Variants in TSPYL1 observed in about 807,000 individuals in gnomAD.
TSPYL1 encodes the protein TSPY like 1.
Under a neutral mutation model 20.1 loss-of-function variants are expected in TSPYL1, and 16 were observed. That is an observed-to-expected ratio of 0.80 (90% CI 0.54 to 1.21). The LOEUF (loss-of-function observed/expected upper bound fraction) is 1.21, where lower values mean the gene tolerates loss of function less well. Among genes scored for constraint, TSPYL1 ranks in the 50% most tolerant of loss-of-function variants. TSPYL1 has a pLI of 0.00. For missense variants in TSPYL1, 560 were observed against 569.3 expected (o/e 0.98, Z 0.17); for synonymous variants, 259 against 227.1 (o/e 1.14, Z -1.26).
chr6:116,278,756 T>G lies in TSPYL1; in HGVS notation c.1075A>C (p.Arg359=). 1 of 1,614,174 alleles carries G rather than the reference T, an allele frequency of 6.2e-7. No individual in the cohort carries two copies. Among genetic ancestry groups the G allele is most frequent in the Non-Finnish European group, 8.5e-7 (1 of 1,180,040 alleles). The change falls in exon 1 of 1, where the codon AGG becomes CGG. Residue 359 remains arginine, a synonymous_variant. Transcript: ENST00000368608. ...VSLSTPIIWR[R]GHEPQSFIRR... ...ATGAAGGACTGGGGTTCATGCCCCC[T>G]GCGCCATATAATTGGAGTAGAAAGA... is the stretch of plus-strand genomic sequence containing the variant.
At position 116,278,581 on chromosome 6, in the gene TSPYL1, G is replaced by GCTCTACGGA. The variant is rs1773278663; in HGVS notation, c.1241_1249dup (p.Val414_Arg416dup). On this transcript the variant is annotated inframe_insertion, in exon 1 of 1. Coordinates refer to ENST00000368608, the MANE Select transcript of TSPYL1 (RefSeq NM_003309.4). ...AGGCTCCCTTAGCGGGCGACGTCGGGCTCTACGGACTCCTTCACGCAACAG... is the reference window on the plus strand; with the variant it reads ...AGGCTCCCTTAGCGGGCGACGTCGGGCTCTACGGACTCTACGGACTCCTTCACGCAACAG... 1 of 1,614,050 alleles carries GCTCTACGGA rather than the reference G, an allele frequency of 6.2e-7. No individual in the cohort carries two copies. Among genetic ancestry groups the GCTCTACGGA allele is most frequent in the Non-Finnish European group, 8.5e-7 (1 of 1,180,048 alleles).
chr6:116,279,136 A>G lies in TSPYL1; in HGVS notation c.695T>C (p.Leu232Pro). Residue 232 changes from leucine (L) to proline (P), a missense_variant, in exon 1 of 1, where the codon CTG (leucine) becomes CCG (proline). Transcript: ENST00000368608. ...PLHEALRMDP[L>P]EAIQLELDTV... Reference sequence around the variant, plus strand: ...GTCCAGTTCCAGCTGGATGGCCTCCAGAGGGTCCATGCGGAGAGCCTCATG... The same window carrying G: ...GTCCAGTTCCAGCTGGATGGCCTCCGGAGGGTCCATGCGGAGAGCCTCATG... 3.7e-6 allele frequency: 6 copies of G among 1,614,092 alleles called. No individual in the cohort carries two copies. Among genetic ancestry groups the G allele is most frequent in the Non-Finnish European group, 5.1e-6 (6 of 1,180,028 alleles).
chr6:116,279,097 T>G lies in TSPYL1; in HGVS notation c.734A>C (p.Gln245Pro), dbSNP rs759753191. The G allele has an allele frequency of 1.9e-6, 3 of 1,613,876 alleles. No individual in the cohort carries two copies. Among genetic ancestry groups the G allele is most frequent in the Non-Finnish European group, 2.5e-6 (3 of 1,179,758 alleles). Residue 245 changes from glutamine (Q) to proline (P), a missense_variant, in exon 1 of 1, where the codon CAG becomes CCG. By Grantham distance (76) the Gln-to-Pro change is moderately conservative. Coordinates refer to ENST00000368608, the MANE Select transcript of TSPYL1 (RefSeq NM_003309.4). ...CAGCTGTTGGAAGGCCCTGTCGGCC[T>G]GAGCATTCACAGTGTCCAGTTCCAG... ...IQLELDTVNAQADRAFQQLEH... is the reference protein window; with the variant it reads ...IQLELDTVNAPADRAFQQLEH...
rs931635813 is a variant in TSPYL1 at position 116,279,725 on chromosome 6, G to C, written c.106C>G (p.Leu36Val). ...SDQDAHQYLR[L>V]RDQSEATQVM... ...TGTGTCGCCTCGCTTTGGTCGCGGA[G>C]CCTCAGGTACTGGTGTGCGTCCTGG... Residue 36 changes from leucine (L) to valine (V), a missense_variant, in exon 1 of 1, where the codon CTC (leucine) becomes GTC (valine). Coordinates refer to ENST00000368608, the MANE Select transcript of TSPYL1 (RefSeq NM_003309.4). The C allele has an allele frequency of 3.7e-6, 6 of 1,611,486 alleles. No individual in the cohort carries two copies. The African/African-American group carries it at 5.3e-5, about 14-fold the overall frequency.
chr6:116,279,506 C>T lies in TSPYL1; in HGVS notation c.325G>A (p.Ala109Thr). Residue 109 changes from alanine (A) to threonine (T), a missense_variant, in exon 1 of 1, where the codon GCA becomes ACA. Ala to Thr is a moderately conservative substitution (Grantham distance 58). Coordinates refer to ENST00000368608, the MANE Select transcript of TSPYL1 (RefSeq NM_003309.4). Reference protein sequence around the residue: ...EEGQPPAEGLAAASVVMAADR... With the variant: ...EEGQPPAEGLTAASVVMAADR... ...GCTGCCATCACCACAGAAGCGGCTG[C>T]CAGGCCTTCGGCGGGAGGCTGGCCC... 2 of 1,610,220 alleles carry T rather than the reference C, an allele frequency of 1.2e-6. No individual in the cohort carries two copies. The highest frequency in any genetic ancestry group is 1.7e-6 in the Non-Finnish European group (2 of 1,180,010).
Position 116,279,407 on chromosome 6 carries a change from A to G in TSPYL1, c.424T>C (p.Ser142Pro). Residue 142 changes from serine (S) to proline (P), a missense_variant, in exon 1 of 1, where the codon TCT (serine) becomes CCT (proline). By Grantham distance (74) the Ser-to-Pro change is moderately conservative. Coordinates refer to ENST00000368608, the MANE Select transcript of TSPYL1 (RefSeq NM_003309.4). Reference protein sequence around the residue: ...LEICGAQRSASELTAGAEAEA... With the variant: ...LEICGAQRSAPELTAGAEAEA... ...GCCTCCGCCCCCGCCGTCAGCTCAG[A>G]CGCGGATCTCTGGGCGCCACAGATT... 4 of 1,613,174 alleles carry G rather than the reference A, an allele frequency of 2.5e-6. No homozygotes were observed. The highest frequency in any genetic ancestry group is 3.4e-6 in the Non-Finnish European group (4 of 1,179,996).
rs1295641666 is a variant in TSPYL1 at position 116,276,507 on chromosome 6, T to G, written c.*2010A>C. On this transcript the variant is annotated 3_prime_UTR_variant, in exon 1 of 1. Transcript: ENST00000368608. Reference sequence around the variant, plus strand: ...CCCTGCTTTCTTCTCTTTGGGATAATGTCTATTGTGTCCATTTAAGGACTT... The same window carrying G: ...CCCTGCTTTCTTCTCTTTGGGATAAGGTCTATTGTGTCCATTTAAGGACTT... The G allele has an allele frequency of 1.3e-5, 2 of 152,342 alleles. No individual in the cohort carries two copies. The highest frequency in any genetic ancestry group is 4.8e-5 in the African/African-American group (2 of 41,574). 9.4% of individuals were successfully genotyped at this position (152,342 alleles called of 1,614,324 possible). A position where few individuals can be genotyped will look rare whatever the true frequency, so the allele number is the denominator to read the frequency against.
Position 116,275,026 on chromosome 6 carries a change from AAT to A in TSPYL1, c.*3489_*3490del, listed in dbSNP as rs1443030853. 1.3e-5 allele frequency among the ~76,000 whole-genome samples: 2 copies of A among 152,244 alleles called. No homozygotes were observed. The highest frequency in any genetic ancestry group is 2.4e-5 in the African/African-American group (1 of 41,470). ...CAATATATTTTAACACAATGTCAAAAATATTTCAACATGCAATCAATATGAAA... is the reference window on the plus strand; with the variant it reads ...CAATATATTTTAACACAATGTCAAAAATTTCAACATGCAATCAATATGAAA... On this transcript the variant is annotated 3_prime_UTR_variant, in exon 1 of 1. Coordinates refer to ENST00000368608, the MANE Select transcript of TSPYL1 (RefSeq NM_003309.4).
chr6:116,279,866 C>A lies in TSPYL1; in HGVS notation c.-36G>T, dbSNP rs751167981. The A allele has an allele frequency of 1.2e-6, 2 of 1,612,918 alleles. No homozygotes were observed. The highest frequency in any genetic ancestry group is 1.3e-5 in the African/African-American group (1 of 74,928). On this transcript the variant is annotated 5_prime_UTR_variant, in exon 1 of 1. Transcript: ENST00000368608. ...GTCGGACCAACCGCAGGCGAACGCC[C>A]GTTTTCCTCAGAGGCCGAACTGGGA... is the stretch of plus-strand genomic sequence containing the variant.
rs752155250 is a variant in TSPYL1 at position 116,279,877 on chromosome 6, G to A, written c.-47C>T. 3.7e-6 allele frequency: 6 copies of A among 1,612,750 alleles called. No homozygotes were observed. In the East Asian group the frequency reaches 8.9e-5, roughly 24 times the overall value. On this transcript the variant is annotated 5_prime_UTR_variant, in exon 1 of 1. Transcript: ENST00000368608. ...CGCAGGCGAACGCCCGTTTTCCTCA[G>A]AGGCCGAACTGGGAGCTAACCGCCG... is the stretch of plus-strand genomic sequence containing the variant.
rs1414237406 is a variant in TSPYL1, at chr6:116,279,358, C to A, written c.473G>T (p.Gly158Val). 2.5e-6 allele frequency: 4 copies of A among 1,611,784 alleles called. No homozygotes were observed. Among genetic ancestry groups the A allele is most frequent in the East Asian group, 2.2e-5 (1 of 44,882 alleles). Residue 158 changes from glycine to valine, a missense_variant, in exon 1 of 1, where the codon GGA becomes GTA. Physicochemically the swap from Gly to Val is moderately radical, Grantham distance 109. Transcript: ENST00000368608. ...AEAEAEEVKTGKCATVSAAVA... is the reference protein window; with the variant it reads ...AEAEAEEVKTVKCATVSAAVA... ...GGCTGCTGAGACGGTGGCGCACTTT[C>A]CTGTCTTCACCTCCTCCGCCTCAGC...
In TSPYL1 at chr6:116,275,284, G is replaced by C. The variant is rs1031975783; in HGVS notation, c.*3233C>G. Among the ~76,000 whole-genome samples, 1 of 152,184 alleles carries C rather than the reference G, an allele frequency of 6.6e-6. No individual in the cohort carries two copies. The highest frequency in any genetic ancestry group is 2.4e-5 in the African/African-American group (1 of 41,460). Reference sequence around the variant, plus strand: ...TATATAAAAGGTAACCCAAAATTAAGTAGTGCTCTGTTAAAATGCAAGTGA... The same window carrying C: ...TATATAAAAGGTAACCCAAAATTAACTAGTGCTCTGTTAAAATGCAAGTGA... On this transcript the variant is annotated 3_prime_UTR_variant, in exon 1 of 1. Transcript: ENST00000368608.
chr6:116,279,288 C>T lies in TSPYL1; in HGVS notation c.543G>A (p.Ala181=), dbSNP rs764621163. 1.9e-6 allele frequency: 3 copies of T among 1,548,412 alleles called. No homozygotes were observed. Among genetic ancestry groups the T allele is most frequent in the Non-Finnish European group, 2.6e-6 (3 of 1,163,536 alleles). The change falls in exon 1 of 1, where the codon GCG becomes GCA. Residue 181 remains alanine, a synonymous_variant. Transcript: ENST00000368608. Reference sequence around the variant, plus strand: ...TCTGCTCCTCCATTACCTCCTTCTCCGCCAGGCCTTCCTTCACCACCTCAG... The same window carrying T: ...TCTGCTCCTCCATTACCTCCTTCTCTGCCAGGCCTTCCTTCACCACCTCAG... The part of the protein sequence containing the change: ...ESAEVVKEGL[A]EKEVMEEQME...
At position 116,278,800 on chromosome 6, in the gene TSPYL1, G is replaced by A; in HGVS notation, c.1031C>T (p.Ser344Phe). ...KLIVKEYEVRSSGRVVSLSTP... is the reference protein window; with the variant it reads ...KLIVKEYEVRFSGRVVSLSTP... Reference sequence around the variant, plus strand: ...AGAAAGAGACACCACTCGGCCGGAGGATCTTACCTCATATTCCTTGACAAT... The same window carrying A: ...AGAAAGAGACACCACTCGGCCGGAGAATCTTACCTCATATTCCTTGACAAT... The change falls in exon 1 of 1, where the codon TCC becomes TTC. Residue 344 changes from serine (S) to phenylalanine (F), a missense_variant. By Grantham distance (155) the Ser-to-Phe change is radical. Transcript: ENST00000368608. 6.2e-7 allele frequency: 1 copy of A among 1,614,162 alleles called. No individual in the cohort carries two copies. The highest frequency in any genetic ancestry group is 8.5e-7 in the Non-Finnish European group (1 of 1,180,034).
In TSPYL1 at chr6:116,279,284, T is replaced by C. The variant is rs1427143146; in HGVS notation, c.547A>G (p.Lys183Glu). The C allele has an allele frequency of 7.0e-6, 11 of 1,564,272 alleles. No homozygotes were observed. Among genetic ancestry groups the C allele is most frequent in the East Asian group, 2.4e-5 (1 of 42,494 alleles). Residue 183 changes from lysine to glutamate, a missense_variant, in exon 1 of 1, where the codon AAG (lysine) becomes GAG (glutamate). Lys to Glu is a moderately conservative substitution (Grantham distance 56, BLOSUM62 1). Transcript: ENST00000368608. The part of the protein sequence containing the change: ...AEVVKEGLAE[K>E]EVMEEQMEVE... Reference sequence around the variant, plus strand: ...TCCATCTGCTCCTCCATTACCTCCTTCTCCGCCAGGCCTTCCTTCACCACC... The same window carrying C: ...TCCATCTGCTCCTCCATTACCTCCTCCTCCGCCAGGCCTTCCTTCACCACC...
chr6:116,279,908 A>C lies in TSPYL1; in HGVS notation c.-78T>G, dbSNP rs928373304. On this transcript the variant is annotated 5_prime_UTR_variant, in exon 1 of 1. Transcript: ENST00000368608. ...GAACTGGGAGCTAACCGCCGCTCGCACCGCCCACCCTACAGTCTCACTAAC... is the reference window on the plus strand; with the variant it reads ...GAACTGGGAGCTAACCGCCGCTCGCCCCGCCCACCCTACAGTCTCACTAAC... The C allele has an allele frequency of 3.1e-6, 5 of 1,592,156 alleles. No individual in the cohort carries two copies. Among genetic ancestry groups the C allele is most frequent in the Non-Finnish European group, 4.3e-6 (5 of 1,161,368 alleles).
Position 116,279,291 on chromosome 6 carries a change from C to T in TSPYL1, c.540G>A (p.Leu180=). 1 of 1,535,626 alleles carries T rather than the reference C, an allele frequency of 6.5e-7. No individual in the cohort carries two copies. Among genetic ancestry groups the T allele is most frequent in the South Asian group, 1.1e-5 (1 of 87,346 alleles). The change falls in exon 1 of 1, where the codon CTG becomes CTA. Residue 180 remains leucine (L), a synonymous_variant. Coordinates refer to ENST00000368608, the MANE Select transcript of TSPYL1 (RefSeq NM_003309.4). ...RESAEVVKEG[L]AEKEVMEEQM... Reference sequence around the variant, plus strand: ...GCTCCTCCATTACCTCCTTCTCCGCCAGGCCTTCCTTCACCACCTCAGCGC... The same window carrying T: ...GCTCCTCCATTACCTCCTTCTCCGCTAGGCCTTCCTTCACCACCTCAGCGC...
At position 116,275,914 on chromosome 6, in the gene TSPYL1, A is replaced by G. The variant is rs1309335061; in HGVS notation, c.*2603T>C. ...AAAGAGTGAACATGGGAAAAACATG[A>G]AAATATAATCTCTGTATTTTATTTT... On this transcript the variant is annotated 3_prime_UTR_variant, in exon 1 of 1. Transcript: ENST00000368608. 6.6e-6 allele frequency among the ~76,000 whole-genome samples: 1 copy of G among 152,158 alleles called. No homozygotes were observed. The highest frequency in any genetic ancestry group is 2.4e-5 in the African/African-American group (1 of 41,422).
chr6:116,278,181 C>A lies in TSPYL1; in HGVS notation c.*336G>T, dbSNP rs188193873. 53 of 319,200 alleles carry A rather than the reference C, an allele frequency of 1.7e-4. No individual in the cohort carries two copies. In the East Asian group the frequency reaches 2.8e-3, roughly 17 times the overall value. The allele number at this position is 319,200 out of a possible 1,614,324, so 19.8% of individuals were successfully genotyped here. On this transcript the variant is annotated 3_prime_UTR_variant, in exon 1 of 1. Coordinates refer to ENST00000368608, the MANE Select transcript of TSPYL1 (RefSeq NM_003309.4). ...AGCTAGAAATCCAAGTGACAGCAAC[C>A]AGTTCAGAGGCCCTGGGAATAAACA...
Sources: gnomAD v4.1 joint callset for allele counts (sites outside exome capture counted in the v4.1 genomes callset) on GRCh38, gnomAD v4.1.1 for gene constraint, MANE v1.5 for transcripts, NCBI Gene and HGNC (gene_info 2026-07-23, HGNC 2026-07-21) for gene names.